RNMT: variants seen among roughly 807,000 people sequenced by gnomAD.
RNMT encodes mRNA cap guanine-N(7) methyltransferase.
A neutral mutation model predicts 56.0 loss-of-function variants in RNMT; 27 were observed. That is an observed-to-expected ratio of 0.48 (90% confidence interval 0.36 to 0.67). The LOEUF (loss-of-function observed/expected upper bound fraction) is 0.67, where lower values mean the gene tolerates loss of function less well. RNMT is among the 30% of genes least tolerant of loss of function. The pLI, the probability that RNMT is intolerant of heterozygous loss-of-function variation, is 0.00. For synonymous variants in RNMT, 184 were observed against 176.2 expected (o/e 1.04, Z -0.35); for missense variants, 519 against 552.1 (o/e 0.94, Z 0.60).
chr18:13,742,369 A>G, intron 7 of RNMT, 119 bp from the exon 8 acceptor site: 3 of 901,290 alleles, frequency 3.3e-6, no homozygotes, highest in Non-Finnish European at 5.1e-6. Flanking sequence ...CCCAGATATA[A>G]TTAAAAGGCT....
chr18:13,747,783 G>A (rs1208658735), intron 9 of RNMT, among the ~76,000 whole-genome samples: 2 of 152,096 alleles, frequency 1.3e-5, no homozygotes, highest in Non-Finnish European at 2.9e-5. Flanking sequence ...ATCTAAGAAT[G>A]TTTTTATTGG....
At chr18:13,757,058 A>G (rs568159091) in intron 11 of RNMT, among the ~76,000 whole-genome samples, 2 of 152,320 alleles carry the variant, frequency 1.3e-5, no homozygotes, top group East Asian at 3.9e-4. Context: ...TTCCCAGTGC[A>G]TATAAAAGTT....
At chr18:13,729,545 T>C (rs941087691) in intron 1 of RNMT, among the ~76,000 whole-genome samples, 1 of 152,260 alleles carries the variant, frequency 6.6e-6, no homozygotes, top group Non-Finnish European at 1.5e-5. Flanking sequence ...ATAATCATTT[T>C]AAGTATTTGT....
Position 13,759,933 on chromosome 18 carries a change from C to A in RNMT, c.1394-9C>A. 1 of 1,603,698 alleles carries A rather than the reference C, an allele frequency of 6.2e-7. No homozygotes were observed. Among genetic ancestry groups the A allele is most frequent in the Non-Finnish European group, 8.5e-7 (1 of 1,171,162 alleles). On this transcript the variant is annotated splice_polypyrimidine_tract_variant and intron_variant, in intron 11 of 11. Coordinates refer to ENST00000383314, the MANE Select transcript of RNMT (RefSeq NM_003799.3). ...TGAGAAACTGAACTCTTATTTATTT[C>A]TTCTTTAGGTATTTACTTGGTGTTT...
chr18:13,761,891 A>G lies in RNMT; in HGVS notation c.*1912A>G, dbSNP rs2044624794. The G allele has an allele frequency of 1.6e-6, 2 of 1,283,696 alleles. No homozygotes were observed. The highest frequency in any genetic ancestry group is 3.7e-5 in the Admixed American group (1 of 26,996). The allele number at this position is 1,283,696 out of a possible 1,614,324, so 79.5% of individuals were successfully genotyped here. ...CCCCTGTGTCTCCTTGTTACAATTAAGTTTCTGGATATTGACTTAAGAACT... is the reference window on the plus strand; with the variant it reads ...CCCCTGTGTCTCCTTGTTACAATTAGGTTTCTGGATATTGACTTAAGAACT... On this transcript the variant is annotated 3_prime_UTR_variant, in exon 12 of 12. Coordinates refer to ENST00000383314, the MANE Select transcript of RNMT (RefSeq NM_003799.3).
At chr18:13,750,262 G>A (rs189821772) in intron 9 of RNMT, among the ~76,000 whole-genome samples, 31 of 152,162 alleles carry the variant, frequency 2.0e-4, no homozygotes, top group African/African-American at 6.0e-4. Context: ...ATTAAACAGC[G>A]TTCTATGTTG....
chr18:13,753,645 C>T (rs2044491191), intron 10 of RNMT, among the ~76,000 whole-genome samples: 2 of 151,460 alleles, frequency 1.3e-5, no homozygotes, highest in African/African-American at 2.4e-5. Flanking sequence ...GTGGCGGGCA[C>T]CTGTAGTCCC....
intron 4 of RNMT, among the ~76,000 whole-genome samples, chr18:13,735,327 A>G (rs768104305): frequency 6.6e-6 from 1 of 152,296 alleles, no homozygotes; most frequent in East Asian, 1.9e-4. Context: ...ATAATTTACT[A>G]ATTTTCAAAG....
In RNMT at chr18:13,741,619, TG is replaced by T; in HGVS notation, c.903del (p.Arg302GlufsTer23). 2 of 1,613,922 alleles carry T rather than the reference TG, an allele frequency of 1.2e-6. No individual in the cohort carries two copies. Among genetic ancestry groups the T allele is most frequent in the African/African-American group, 2.7e-5 (2 of 75,068 alleles). ...TCTTATGAGCAGGCTGACATGATGC[TG>T]AGAAATGCGTGTGAGAGACTTAGCC... ...FESYEQADMM[L>X]RNACERLSPG... On this transcript the variant is annotated frameshift_variant, in exon 7 of 12. Transcript: ENST00000383314. LOFTEE classifies it high-confidence loss of function.
intron 3 of RNMT, among the ~76,000 whole-genome samples, chr18:13,733,334 CATT>C (rs1431428978): frequency 3.3e-5 from 5 of 152,096 alleles, no homozygotes; most frequent in African/African-American, 1.2e-4. Flanking sequence ...TATATAATAG[CATT>C]ATTATAATAG....
intron 8 of RNMT, among the ~76,000 whole-genome samples, chr18:13,743,544 A>G (rs1213393479): frequency 6.6e-6 from 1 of 152,030 alleles, no homozygotes. Context: ...AGACACAGGA[A>G]AAGCTGGGGG....
chr18:13,728,041 C>G (rs989917417), intron 1 of RNMT, among the ~76,000 whole-genome samples: 1 of 152,182 alleles, frequency 6.6e-6, no homozygotes, highest in African/African-American at 2.4e-5. Context: ...AAACTTGAGA[C>G]TGCAGATATT....
intron 8 of RNMT, among the ~76,000 whole-genome samples, chr18:13,744,801 C>T (rs2149095931): frequency 6.6e-6 from 1 of 152,318 alleles, no homozygotes; most frequent in South Asian, 2.1e-4. Context: ...TTCTCCCCTT[C>T]CTTCCACTCT....
At chr18:13,753,735 C>T (rs2044492917) in intron 10 of RNMT, among the ~76,000 whole-genome samples, 1 of 151,740 alleles carries the variant, frequency 6.6e-6, no homozygotes, top group Non-Finnish European at 1.5e-5. Flanking sequence ...CACGCCACTG[C>T]CCTCCAGTCT....
intron 9 of RNMT, 125 bp downstream of exon 9, chr18:13,746,462 C>CTCA: frequency 1.5e-6 from 1 of 684,602 alleles, no homozygotes; most frequent in South Asian, 1.7e-5. Context: ...GCACCTAGGA[C>CTCA]GGAGCTTGAT....
chr18:13,758,641 C>G (rs1390497774), intron 11 of RNMT, among the ~76,000 whole-genome samples: 1 of 152,192 alleles, frequency 6.6e-6, no homozygotes, highest in Non-Finnish European at 1.5e-5. Flanking sequence ...GCAGACCACT[C>G]AGACTTTTTC....
intron 11 of RNMT, among the ~76,000 whole-genome samples, chr18:13,755,035 T>C (rs2044519977): frequency 6.6e-6 from 1 of 152,200 alleles, no homozygotes; most frequent in Admixed American, 6.5e-5. Flanking sequence ...ATTGTTACTG[T>C]AGGAATCCCC....
At chr18:13,743,443 C>G (rs1035150832) in intron 8 of RNMT, among the ~76,000 whole-genome samples, 2 of 151,996 alleles carry the variant, frequency 1.3e-5, no homozygotes, top group East Asian at 3.9e-4. Context: ...TTGAAATTGC[C>G]TATGTCTCAC....
At position 13,761,705 on chromosome 18, in the gene RNMT, T is replaced by C; in HGVS notation, c.*1726T>C. On this transcript the variant is annotated 3_prime_UTR_variant, in exon 12 of 12. Transcript: ENST00000383314. Reference sequence around the variant, plus strand: ...AGCAAGATTAGATCTGAGAAGATGCTCTGGGGACTGAGCCCACTGTTGTTG... The same window carrying C: ...AGCAAGATTAGATCTGAGAAGATGCCCTGGGGACTGAGCCCACTGTTGTTG... The C allele has an allele frequency of 3.6e-6, 4 of 1,102,352 alleles. No individual in the cohort carries two copies. Among genetic ancestry groups the C allele is most frequent in the Non-Finnish European group, 3.3e-6 (3 of 901,866 alleles). 68.3% of individuals were successfully genotyped at this position (1,102,352 alleles called of 1,614,324 possible).
Sources: gnomAD v4.1 joint callset for allele counts (sites outside exome capture counted in the v4.1 genomes callset) on GRCh38, gnomAD v4.1.1 for gene constraint, MANE v1.5 for transcripts, NCBI Gene and HGNC (gene_info 2026-07-23, HGNC 2026-07-21) for gene names.